PAN3: variants seen among roughly 807,000 people sequenced by gnomAD.
PAN3 encodes PAN2-PAN3 deadenylation complex subunit PAN3.
A neutral mutation model predicts 96.2 loss-of-function variants in PAN3; 19 were observed. The ratio of observed to expected loss-of-function variants is 0.20; its 90% CI spans 0.14 to 0.29. PAN3 has a LOEUF of 0.29. Ranked by LOEUF, PAN3 falls within the 10% of genes least tolerant of loss-of-function variation. The probability of loss-of-function intolerance (pLI) is 1.00; values close to 1 mark genes in which losing one functional copy is unlikely to be tolerated. For synonymous variants in PAN3, 433 were observed against 406.6 expected, an observed-to-expected ratio of 1.06 and a Z score of -0.78; for missense variants, 882 against 1,108.1, an observed-to-expected ratio of 0.80 and a Z score of 2.90.
intron 6 of PAN3, among the ~76,000 whole-genome samples, chr13:28,242,674 G>A (rs371024859): frequency 6.6e-6 from 1 of 152,158 alleles, no homozygotes; most frequent in Non-Finnish European, 1.5e-5. Flanking sequence ...AGAGGAAGGA[G>A]AAGCTTTTTT....
At chr13:28,290,785 T>A (rs1047469460) in intron 18 of PAN3, among the ~76,000 whole-genome samples, 10 of 152,202 alleles carry the variant, frequency 6.6e-5, no homozygotes, top group Non-Finnish European at 1.3e-4. Flanking sequence ...GAAAAACCTT[T>A]TCTTGAGAGC....
At chr13:28,207,785 AAT>A (rs1879552267) in intron 5 of PAN3, among the ~76,000 whole-genome samples, 1 of 152,216 alleles carries the variant, frequency 6.6e-6, no homozygotes, top group African/African-American at 2.4e-5. Context: ...CATTGTAGAT[AAT>A]ATATGTCTTT....
At chr13:28,259,372 T>C (rs924383826) in intron 7 of PAN3, among the ~76,000 whole-genome samples, 4 of 151,600 alleles carry the variant, frequency 2.6e-5, no homozygotes, top group Non-Finnish European at 5.9e-5. Context: ...GTTAGTTCAA[T>C]CTTGGTGCAC....
At position 28,260,528 on chromosome 13, in the gene PAN3, T is replaced by C. The variant is rs1885611557; in HGVS notation, c.1330T>C (p.Phe444Leu). Residue 444 changes from phenylalanine (F) to leucine (L), a missense_variant, in exon 8 of 19, where the codon TTC becomes CTC. Around this residue, in one of 3 missense-constraint regions of PAN3, gnomAD observed 364 missense variants for 513.6 expected, o/e 0.71. Transcript: ENST00000380958. The stretch of plus-strand genomic sequence containing the variant: ...ACCGAAAGCAAACGCACCTTCCTTC[T>C]TCATGGCTGATGAACTCCGACAGGT... Reference protein sequence around the residue: ...MQPKANAPSFFMADELRQELI... With the variant: ...MQPKANAPSFLMADELRQELI... 1 of 1,612,188 alleles carries C rather than the reference T, an allele frequency of 6.2e-7. No homozygotes were observed. The highest frequency in any genetic ancestry group is 8.5e-7 in the Non-Finnish European group (1 of 1,178,382).
intron 6 of PAN3, among the ~76,000 whole-genome samples, chr13:28,245,410 A>G (rs1474371047): frequency 2.1e-5 from 3 of 145,840 alleles, no homozygotes; most frequent in African/African-American, 7.7e-5. Context: ...TTTACATTGT[A>G]TTTCATTGTC....
chr13:28,280,784 C>T (rs1887413341), intron 16 of PAN3, among the ~76,000 whole-genome samples: 1 of 151,972 alleles, frequency 6.6e-6, no homozygotes. Context: ...TGGTCTTGAG[C>T]TCCTGAGCTC....
At chr13:28,197,420 G>A in intron 5 of PAN3, 74 bp downstream of exon 5, 2 of 1,401,516 alleles carry the variant, frequency 1.4e-6, no homozygotes, top group Non-Finnish European at 1.9e-6. Context: ...TTGGGGTGGT[G>A]GTTGTGAAAG....
chr13:28,283,080 G>A (rs368261936), intron 17 of PAN3, among the ~76,000 whole-genome samples: 10 of 151,044 alleles, frequency 6.6e-5, no homozygotes, highest in African/African-American at 1.9e-4. Context: ...AGGGAATCTC[G>A]CTCTATCCCC....
chr13:28,230,935 C>G (rs1882490974), intron 6 of PAN3, among the ~76,000 whole-genome samples: 1 of 152,102 alleles, frequency 6.6e-6, no homozygotes, highest in South Asian at 2.1e-4. Context: ...CCTTTCTTCC[C>G]TCTGTTTTGA....
intron 14 of PAN3, 69 bp downstream of exon 14, chr13:28,272,140 G>GT: frequency 8.8e-7 from 1 of 1,136,318 alleles, no homozygotes; most frequent in African/African-American, 1.6e-5. Flanking sequence ...TCATTTTAAA[G>GT]TATTTCAGTG....
At chr13:28,247,275 T>TTGTTTA (rs1566224797) in intron 6 of PAN3, among the ~76,000 whole-genome samples, 1 of 152,080 alleles carries the variant, frequency 6.6e-6, no homozygotes, top group African/African-American at 2.4e-5. Flanking sequence ...TTGGATTTAT[T>TTGTTTA]TTTTTATTTT....
rs900532136 is a variant in PAN3 at position 28,203,384 on chromosome 13, G to T, written c.852+6038G>T. On this transcript the variant is annotated intron_variant, in intron 5 of 18. Coordinates refer to ENST00000380958, the MANE Select transcript of PAN3 (RefSeq NM_175854.8). ...AGTGGTATCGTCATGGCCCACTGCA[G>T]CGTCTACCTCCTGGGCTTAAGCAGT... Among the ~76,000 whole-genome samples, 3 of 152,062 alleles carry T rather than the reference G, an allele frequency of 2.0e-5. No individual in the cohort carries two copies. In the East Asian group the frequency reaches 5.8e-4, roughly 29 times the overall value.
intron 6 of PAN3, among the ~76,000 whole-genome samples, chr13:28,255,212 G>A (rs1391829153): frequency 6.6e-6 from 1 of 152,116 alleles, no homozygotes; most frequent in Non-Finnish European, 1.5e-5. Context: ...TCACCAAATA[G>A]CCAGAAAACA....
At position 28,146,718 on chromosome 13, in the gene PAN3, C is replaced by T. The variant is rs183731783; in HGVS notation, c.430+7631C>T. On this transcript the variant is annotated intron_variant, in intron 1 of 18. Coordinates refer to ENST00000380958, the MANE Select transcript of PAN3 (RefSeq NM_175854.8). ...ACAGGCCAGGCGCAGTGGCTCACAC[C>T]TGTAATCCTGATACTTTGGGAGGCC... Among the ~76,000 whole-genome samples the T allele has an allele frequency of 2.0e-3, 299 of 152,258 alleles. 4 individuals carry two copies. The highest frequency in any genetic ancestry group is 1.8e-3 in the Non-Finnish European group (121 of 68,026).
Position 28,220,211 on chromosome 13 carries a change from TA to T in PAN3, c.853-19del. On this transcript the variant is annotated intron_variant, in intron 5 of 18. Coordinates refer to ENST00000380958, the MANE Select transcript of PAN3 (RefSeq NM_175854.8). ...TTCGGCTTAAAGTGTGTTAACTTAC[TA>T]TATTTGATTTTTAAATAGACACCAA... 1 of 1,608,928 alleles carries T rather than the reference TA, an allele frequency of 6.2e-7. No homozygotes were observed.
chr13:28,273,877 G>C (rs1886841294), intron 14 of PAN3, among the ~76,000 whole-genome samples: 1 of 152,174 alleles, frequency 6.6e-6, no homozygotes, highest in African/African-American at 2.4e-5. Context: ...TTTGGAAGAA[G>C]ATTTTAGTTC....
rs770123368 is a variant in PAN3 at position 28,267,358 on chromosome 13, T to A, written c.1749T>A (p.Phe583Leu). ...GAGAAACTATGATGAGCAGACACTTTAATGACCCTAATGCTGATGCCTACT... is the reference window on the plus strand; with the variant it reads ...GAGAAACTATGATGAGCAGACACTTAAATGACCCTAATGCTGATGCCTACT... ...AGGETMMSRH[F>L]NDPNADAYFT... Residue 583 changes from phenylalanine (F) to leucine (L), a missense_variant, in exon 12 of 19, where the codon TTT becomes TTA. Physicochemically the swap from Phe to Leu is conservative, Grantham distance 22. This residue lies in a region of PAN3 where 364 missense variants were observed against 513.6 expected (regional missense o/e 0.71). Coordinates refer to ENST00000380958, the MANE Select transcript of PAN3 (RefSeq NM_175854.8). The A allele has an allele frequency of 6.2e-7, 1 of 1,613,856 alleles. No homozygotes were observed. The highest frequency in any genetic ancestry group is 8.5e-7 in the Non-Finnish European group (1 of 1,179,812).
chr13:28,202,858 G>A (rs1324658508), intron 5 of PAN3, among the ~76,000 whole-genome samples: 3 of 151,940 alleles, frequency 2.0e-5, no homozygotes, highest in Non-Finnish European at 2.9e-5. Context: ...AAGTAATTGC[G>A]GTTTTGCCAT....
chr13:28,195,632 C>T (rs1877957900), intron 4 of PAN3, among the ~76,000 whole-genome samples: 1 of 152,054 alleles, frequency 6.6e-6, no homozygotes. Flanking sequence ...GCCTTCCAGG[C>T]TCAAGTGATT....
Sources: gnomAD v4.1 joint callset for allele counts (sites outside exome capture counted in the v4.1 genomes callset) on GRCh38, gnomAD v4.1.1 for gene constraint, gnomAD v4.1.1 regional missense constraint, MANE v1.5 for transcripts, NCBI Gene and HGNC (gene_info 2026-07-23, HGNC 2026-07-21) for gene names.